Variants in USP45 observed in about 807,000 individuals in gnomAD.
USP45 encodes the protein ubiquitin specific peptidase 45.
In USP45, 89 loss-of-function variants were observed where a neutral mutation model predicts 95.8. That is an observed-to-expected ratio of 0.93 (90% CI 0.78 to 1.11). The LOEUF (loss-of-function observed/expected upper bound fraction) is 1.11. USP45 is among the 50% of genes least tolerant of loss of function. USP45 has a pLI of 0.00. For synonymous variants in USP45, 281 were observed against 316.2 expected (o/e 0.89, Z 1.18); for missense variants, 898 against 942.5 (o/e 0.95, Z 0.62).
intron 9 of USP45, among the ~76,000 whole-genome samples, chr6:99,473,385 C>CGAAA (rs35388909): frequency 3.9e-4 from 56 of 142,792 alleles, no homozygotes; most frequent in African/African-American, 1.1e-3. Context: ...ACTAAAAATA[C>CGAAA]AAAAAAAAAA....
intron 5 of USP45, among the ~76,000 whole-genome samples, chr6:99,503,523 G>A (rs770516399): frequency 3.3e-5 from 5 of 151,912 alleles, no homozygotes; most frequent in African/African-American, 4.8e-5. Flanking sequence ...GTAGAGACGG[G>A]GTTTCACCAT....
chr6:99,504,085 T>C (rs1797986641), intron 4 of USP45, among the ~76,000 whole-genome samples: 1 of 152,190 alleles, frequency 6.6e-6, no homozygotes, highest in South Asian at 2.1e-4. Flanking sequence ...TTAGGTATAA[T>C]GAAATGCCAC....
chr6:99,495,558 T>C (rs1027988546), intron 5 of USP45, among the ~76,000 whole-genome samples: 5 of 152,202 alleles, frequency 3.3e-5, no homozygotes, highest in Non-Finnish European at 7.3e-5. Context: ...TGCTGGTTAG[T>C]GTTGAGGGAA....
At chr6:99,447,405 T>A (rs966145445) in intron 13 of USP45, among the ~76,000 whole-genome samples, 2 of 152,132 alleles carry the variant, frequency 1.3e-5, no homozygotes, top group Non-Finnish European at 2.9e-5. Flanking sequence ...CTTGCCTCAA[T>A]TTTTTTTATC....
intron 9 of USP45, 69 bp downstream of exon 9, chr6:99,476,074 C>T (rs1312428332): frequency 2.8e-6 from 4 of 1,444,898 alleles, no homozygotes; most frequent in Non-Finnish European, 3.8e-6. Flanking sequence ...CGCCTTGGCC[C>T]CCCAATAATC....
intron 8 of USP45, among the ~76,000 whole-genome samples, chr6:99,478,029 T>C (rs959804069): frequency 1.3e-5 from 2 of 151,528 alleles, no homozygotes; most frequent in Admixed American, 6.6e-5. Flanking sequence ...TCAGAGATCT[T>C]CACTAGCCAA....
At chr6:99,449,514 A>G (rs1783369405) in intron 13 of USP45, among the ~76,000 whole-genome samples, 1 of 151,912 alleles carries the variant, frequency 6.6e-6, no homozygotes, top group South Asian at 2.1e-4. Flanking sequence ...CCAATACAGG[A>G]GCACCCACAT....
rs1779859107 is a variant in USP45, at chr6:99,432,510, T to C, written c.*3206A>G. 1 of 152,142 alleles carries C rather than the reference T, an allele frequency of 6.6e-6. No homozygotes were observed. The highest frequency in any genetic ancestry group is 6.5e-5 in the Admixed American group (1 of 15,276). 9.4% of individuals were successfully genotyped at this position (152,142 alleles called of 1,614,324 possible). ...AACACCAAAATAACGCTCAATAAGT[T>C]ACACAGCTGTTTTCTAGAAACATGG... On this transcript the variant is annotated 3_prime_UTR_variant, in exon 18 of 18. Coordinates refer to ENST00000500704, the MANE Select transcript of USP45 (RefSeq NM_001346022.3).
chr6:99,502,116 A>G (rs1367092590), intron 5 of USP45: 9 of 1,137,940 alleles, frequency 7.9e-6, no homozygotes, highest in African/African-American at 1.6e-5. Context: ...TGAAATCCCA[A>G]TAAAACTCTC....
intron 5 of USP45, among the ~76,000 whole-genome samples, chr6:99,492,809 A>T (rs1241957280): frequency 6.6e-6 from 1 of 152,136 alleles, no homozygotes; most frequent in African/African-American, 2.4e-5. Flanking sequence ...CATTTCTAAG[A>T]GCTATTTAAG....
intron 5 of USP45, chr6:99,501,905 G>C: frequency 7.8e-7 from 1 of 1,278,004 alleles, no homozygotes; most frequent in Non-Finnish European, 1.0e-6. Flanking sequence ...TGTTATTCAT[G>C]ATGGGTCCCT....
chr6:99,447,881 A>C (rs953069897), intron 13 of USP45, among the ~76,000 whole-genome samples: 1 of 152,214 alleles, frequency 6.6e-6, no homozygotes, highest in African/African-American at 2.4e-5. Flanking sequence ...AACATTTGCT[A>C]TTCAGCAATA....
intron 4 of USP45, among the ~76,000 whole-genome samples, chr6:99,505,640 CAAAA>C (rs11303051): frequency 1.2e-5 from 1 of 85,342 alleles, no homozygotes. Context: ...GATTCCATCT[CAAAA>C]AAAAAAAAAA....
intron 11 of USP45, among the ~76,000 whole-genome samples, chr6:99,465,597 T>G (rs1286187953): frequency 6.6e-6 from 1 of 152,174 alleles, no homozygotes; most frequent in Non-Finnish European, 1.5e-5. Context: ...ACAACTTCTG[T>G]GTTGAATAGT....
intron 1 of USP45, chr6:99,514,733 G>A (rs1327758242): frequency 3.3e-5 from 5 of 152,116 alleles, no homozygotes; most frequent in African/African-American, 1.2e-4. Flanking sequence ...GAGAAGAAAA[G>A]GTCACTATCT....
intron 14 of USP45, among the ~76,000 whole-genome samples, chr6:99,445,101 A>C (rs887189083): frequency 2.6e-5 from 4 of 152,214 alleles, no homozygotes; most frequent in Admixed American, 2.6e-4. Flanking sequence ...TAAAATCTTC[A>C]AAATTTATCT....
chr6:99,482,537 C>CCTTATATA (rs1463246319), intron 8 of USP45: 2 of 415,544 alleles, frequency 4.8e-6, no homozygotes, highest in African/African-American at 4.1e-5. Flanking sequence ...CATTTAATTT[C>CCTTATATA]TGTGTCTCCA....
chr6:99,448,642 C>A (rs1211158301), intron 13 of USP45, among the ~76,000 whole-genome samples: 1 of 152,178 alleles, frequency 6.6e-6, no homozygotes, highest in Non-Finnish European at 1.5e-5. Flanking sequence ...CATAGCAAGG[C>A]AGGCCAACAT....
Position 99,507,490 on chromosome 6 carries a change from G to A in USP45, c.315C>T (p.His105=). 4 of 1,613,312 alleles carry A rather than the reference G, an allele frequency of 2.5e-6. No individual in the cohort carries two copies. Among genetic ancestry groups the A allele is most frequent in the Non-Finnish European group, 3.4e-6 (4 of 1,179,624 alleles). ...GGGGCTCTGTTCTGGAACTCTTAAA[G>A]TGCTTCAATGAATGTTGGCTTTCTG... ...KNSESQHSLK[H]FKSSRTEPHC... is the part of the protein sequence containing the mutation. The change falls in exon 4 of 18, where the codon CAC becomes CAT. Residue 105 remains histidine (H), a synonymous_variant. Transcript: ENST00000500704.
Sources: gnomAD v4.1 joint callset for allele counts (sites outside exome capture counted in the v4.1 genomes callset) on GRCh38, gnomAD v4.1.1 for gene constraint, MANE v1.5 for transcripts, NCBI Gene and HGNC (gene_info 2026-07-23, HGNC 2026-07-21) for gene names.